F11: variants seen among roughly 807,000 people sequenced by gnomAD.
F11 encodes the protein coagulation factor XI, also known as coagualtion factor XI.
A neutral mutation model predicts 76.5 loss-of-function variants in F11; 78 were observed. That is an observed-to-expected ratio of 1.02 (90% CI 0.85 to 1.23). The LOEUF is 1.23. Among genes scored for constraint, F11 ranks in the 50% most tolerant of loss-of-function variants. The pLI is 0.00. For synonymous variants in F11, 278 were observed against 276.3 expected (o/e 1.01, Z -0.06); for missense variants, 742 against 771.4 (o/e 0.96, Z 0.45).
At chr4:186,285,294 C>T (rs563517134) in intron 11 of F11, among the ~76,000 whole-genome samples, 1 of 151,838 alleles carries the variant, frequency 6.6e-6, no homozygotes, top group Admixed American at 6.6e-5. Flanking sequence ...TAGTTACTGG[C>T]GAGATTGAGA....
intron 7 of F11, 112 bp downstream of exon 7, chr4:186,276,502 T>C (rs1740393657): frequency 7.9e-7 from 1 of 1,262,968 alleles, no homozygotes; most frequent in Non-Finnish European, 1.1e-6. Context: ...CAGTATAGGA[T>C]AAAAGTTGCA....
intron 11 of F11, among the ~76,000 whole-genome samples, chr4:186,284,660 GA>G: frequency 6.6e-6 from 1 of 152,120 alleles, no homozygotes; most frequent in African/African-American, 2.4e-5. Flanking sequence ...TTTAAATACA[GA>G]AAGTGGCCAG....
Position 186,285,866 on chromosome 4 carries a change from G to A in F11, c.1480+53G>A, listed in dbSNP as rs1741174540. On this transcript the variant is annotated intron_variant, in intron 12 of 14. Coordinates refer to ENST00000403665, the MANE Select transcript of F11 (RefSeq NM_000128.4). ...TCTCCAATGGTGAACTGGATAAAAT[G>A]TTTAACACTACTAGACTTACGGCCT... is the stretch of plus-strand genomic sequence containing the variant. The A allele has an allele frequency of 3.8e-6, 6 of 1,578,914 alleles. No homozygotes were observed. In the African/African-American group the frequency reaches 4.0e-5, roughly 11 times the overall value.
chr4:186,282,101 A>C, intron 10 of F11: 3 of 1,175,820 alleles, frequency 2.6e-6, no homozygotes, highest in South Asian at 3.4e-5. Flanking sequence ...TCTAAGCGTT[A>C]GAAGGGACAC....
At chr4:186,285,982 C>T (rs563353225) in intron 12 of F11, 169 bp downstream of exon 12, 2 of 767,484 alleles carry the variant, frequency 2.6e-6, no homozygotes, top group South Asian at 1.6e-5. Context: ...ACACACTTTC[C>T]TGGCTATTGA....
chr4:186,274,244 G>T lies in F11; in HGVS notation c.454G>T (p.Ala152Ser). ...CGTCCACTGCCACTTTTTCACGTAC[G>T]CCACAAGGCAGTTTCCCAGCCTGGA... ...DDVHCHFFTYATRQFPSLEHR... is the reference protein window; with the variant it reads ...DDVHCHFFTYSTRQFPSLEHR... Residue 152 changes from alanine (A) to serine (S), a missense_variant, in exon 5 of 15, where the codon GCC (alanine) becomes TCC (serine). Ala to Ser is a moderately conservative substitution (Grantham distance 99). Transcript: ENST00000403665. 6.2e-7 allele frequency: 1 copy of T among 1,614,202 alleles called. No individual in the cohort carries two copies. Among genetic ancestry groups the T allele is most frequent in the Non-Finnish European group, 8.5e-7 (1 of 1,180,036 alleles).
At chr4:186,271,797 G>C (rs1561480238) in intron 3 of F11, 26 bp downstream of exon 3, 1 of 1,613,508 alleles carries the variant, frequency 6.2e-7, no homozygotes, top group Non-Finnish European at 8.5e-7. Flanking sequence ...TCTACATCGA[G>C]GAGACAGATT....
At chr4:186,285,872 C>T (rs1741174998) in intron 12 of F11, 59 bp downstream of exon 12, 2 of 1,561,682 alleles carry the variant, frequency 1.3e-6, no homozygotes, top group Non-Finnish European at 1.8e-6. Context: ...AAATGTTTAA[C>T]ACTACTAGAC....
intron 5 of F11, 195 bp downstream of exon 5, chr4:186,274,470 T>C: frequency 1.5e-6 from 1 of 662,846 alleles, no homozygotes; most frequent in Admixed American, 2.7e-5. Flanking sequence ...TGGTAAGGAG[T>C]CTATCTTTTA....
At position 186,274,249 on chromosome 4, in the gene F11, A is replaced by T; in HGVS notation, c.459A>T (p.Thr153=). Residue 153 remains threonine (T), a synonymous_variant, in exon 5 of 15, where the codon ACA becomes ACT. Transcript: ENST00000403665. ...ACTGCCACTTTTTCACGTACGCCAC[A>T]AGGCAGTTTCCCAGCCTGGAGCATC... The part of the protein sequence containing the change: ...DVHCHFFTYA[T]RQFPSLEHRN... 4 of 1,614,228 alleles carry T rather than the reference A, an allele frequency of 2.5e-6. No individual in the cohort carries two copies. The East Asian group carries it at 6.7e-5, about 27-fold the overall frequency.
chr4:186,276,426 T>C, intron 7 of F11, 36 bp downstream of exon 7: 3 of 1,606,032 alleles, frequency 1.9e-6, no homozygotes, highest in Non-Finnish European at 2.6e-6. Context: ...TTTGTTATCT[T>C]CTAAAAATAG....
At chr4:186,270,649 G>GCACACACA (rs10535096) in intron 2 of F11, among the ~76,000 whole-genome samples, 1 of 150,456 alleles carries the variant, frequency 6.6e-6, no homozygotes, top group East Asian at 2.0e-4. Flanking sequence ...AGTGCATGAT[G>GCACACACA]CACACACACA....
At chr4:186,275,175 G>A (rs1740268244) in intron 5 of F11, 1 of 456,994 alleles carries the variant, frequency 2.2e-6, no homozygotes. Context: ...TTCTAAGCAA[G>A]ATAAAGTTAA....
chr4:186,279,660 G>C (rs761581933), intron 7 of F11, among the ~76,000 whole-genome samples: 4 of 152,154 alleles, frequency 2.6e-5, no homozygotes, highest in Non-Finnish European at 5.9e-5. Context: ...TTGCAACCCT[G>C]GATAGGAGGT....
intron 10 of F11, 45 bp from the exon 11 acceptor site, chr4:186,284,046 GA>G: frequency 6.2e-7 from 1 of 1,613,734 alleles, no homozygotes; most frequent in Non-Finnish European, 8.5e-7. Context: ...ATTACTGATG[GA>G]AAGGAAGATG....
intron 2 of F11, among the ~76,000 whole-genome samples, chr4:186,270,649 GCACA>G (rs10535096): frequency 1.2e-3 from 177 of 150,470 alleles, no homozygotes; most frequent in Admixed American, 4.2e-3. Context: ...AGTGCATGAT[GCACA>G]CACACACACA....
chr4:186,279,457 T>C (rs1257511873), intron 7 of F11, among the ~76,000 whole-genome samples: 2 of 152,246 alleles, frequency 1.3e-5, no homozygotes, highest in East Asian at 3.9e-4. Context: ...AAGTGCCCAA[T>C]AGCCACATGT....
chr4:186,275,367 C>A (rs1159884558), intron 5 of F11, among the ~76,000 whole-genome samples: 1 of 152,030 alleles, frequency 6.6e-6, no homozygotes. Context: ...CGGTGGTGGG[C>A]GCTTGTAATC....
intron 3 of F11, among the ~76,000 whole-genome samples, chr4:186,272,382 T>A (rs1279160241): frequency 1.3e-5 from 2 of 152,200 alleles, no homozygotes; most frequent in Admixed American, 1.3e-4. Flanking sequence ...TTATTTCAGT[T>A]TTCCCTCAAA....
Sources: gnomAD v4.1 joint callset for allele counts (sites outside exome capture counted in the v4.1 genomes callset) on GRCh38, gnomAD v4.1.1 for gene constraint, MANE v1.5 for transcripts, NCBI Gene and HGNC (gene_info 2026-07-23, HGNC 2026-07-21) for gene names.